The following ZNF668 variants were observed in gnomAD, a reference collection of about 807,000 sequenced individuals.
The protein encoded by ZNF668 is zinc finger protein 668.
In ZNF668, 10 loss-of-function variants were observed where a neutral mutation model predicts 40.3. The ratio of observed to expected loss-of-function variants is 0.25; its 90% CI spans 0.15 to 0.42. The LOEUF (loss-of-function observed/expected upper bound fraction) is 0.42. Ranked by LOEUF, ZNF668 falls within the 10% of genes least tolerant of loss-of-function variation. The probability of loss-of-function intolerance (pLI) is 1.00; values close to 1 mark genes in which losing one functional copy is unlikely to be tolerated. For missense variants in ZNF668, 749 were observed against 904.6 expected (o/e 0.83, Z 2.21); for synonymous variants, 428 against 384.6 (o/e 1.11, Z -1.32).
rs140754297 is a variant in ZNF668, at chr16:31,066,311, A to T, written c.-22-1830T>A. On this transcript the variant is annotated intron_variant, in intron 1 of 2. Coordinates refer to ENST00000300849, the MANE Select transcript of ZNF668 (RefSeq NM_024706.5). The stretch of plus-strand genomic sequence containing the variant: ...CTGGAGCCCCACTTCCACCAGGAGG[A>T]TCCTCAAGCATCTCCCCTTTGGGTT... The T allele has an allele frequency of 9.3e-5, 92 of 985,424 alleles. No homozygotes were observed. In the East Asian group the frequency reaches 9.3e-3, roughly 100 times the overall value. The allele number at this position is 985,424 out of a possible 1,614,324, so 61.0% of individuals were successfully genotyped here. A position where few individuals can be genotyped will look rare whatever the true frequency, so the allele number is the denominator to read the frequency against.
chr16:31,069,144 A>G (rs1036527485), intron 1 of ZNF668: 3 of 152,116 alleles, frequency 2.0e-5, no homozygotes, highest in Non-Finnish European at 2.9e-5. Flanking sequence ...AAAAAGACCA[A>G]TATCTTTTCC....
At chr16:31,069,934 C>A (rs1201770583) in intron 1 of ZNF668, among the ~76,000 whole-genome samples, 1 of 151,794 alleles carries the variant, frequency 6.6e-6, no homozygotes, top group Admixed American at 6.6e-5. Context: ...GCCACCACGC[C>A]CGGCTAATTT....
At position 31,061,294 on chromosome 16, in the gene ZNF668, G is replaced by C; in HGVS notation, c.1634C>G (p.Pro545Arg). ...GAAGCTCTTGCCGCACTGGGTGCAG[G>C]GGAAGGGCCGGAGCTCCGGGTGTGA... Reference protein sequence around the residue: ...ERSHPELRPFPCTQCGKSFSD... With the variant: ...ERSHPELRPFRCTQCGKSFSD... The change falls in exon 3 of 3, where the codon CCC becomes CGC. Residue 545 changes from proline to arginine, a missense_variant. Physicochemically the swap from Pro to Arg is moderately radical, Grantham distance 103. Transcript: ENST00000300849. This position sits in a 1 kb window ranked among gnomAD's most constrained non-coding sequence, Gnocchi z 7.7. 3.2e-6 allele frequency: 5 copies of C among 1,570,738 alleles called. No individual in the cohort carries two copies. Among genetic ancestry groups the C allele is most frequent in the Non-Finnish European group, 4.3e-6 (5 of 1,157,524 alleles).
intron 1 of ZNF668, among the ~76,000 whole-genome samples, chr16:31,066,701 CTCAATCAA>C (rs148240339): frequency 2.7e-5 from 4 of 150,232 alleles, no homozygotes; most frequent in Admixed American, 6.6e-5. Context: ...AAGACACTGT[CTCAATCAA>C]TCAATCAATC....
chr16:31,062,565 C>A (rs2056940605), intron 2 of ZNF668: 1 of 366,448 alleles, frequency 2.7e-6, no homozygotes, highest in Non-Finnish European at 5.0e-6. Context: ...GAGATCGAGA[C>A]CATCCCGGCT....
At chr16:31,072,532 T>G (rs2057022622) in intron 1 of ZNF668, among the ~76,000 whole-genome samples, 1 of 152,208 alleles carries the variant, frequency 6.6e-6, no homozygotes, top group South Asian at 2.1e-4. Flanking sequence ...AAGCAAAGAT[T>G]CAATTTCCAA....
At position 31,060,971 on chromosome 16, in the gene ZNF668, A is replaced by C; in HGVS notation, c.*97T>G. On this transcript the variant is annotated 3_prime_UTR_variant, in exon 3 of 3. Coordinates refer to ENST00000300849, the MANE Select transcript of ZNF668 (RefSeq NM_024706.5). ...GGGAGCTAGTTGCTGAGGGGTAGGG[A>C]TCTGGAGTCTAAAGAGCAGAGCCAG... 1 of 1,341,054 alleles carries C rather than the reference A, an allele frequency of 7.5e-7. No homozygotes were observed. The highest frequency in any genetic ancestry group is 2.7e-5 in the East Asian group (1 of 37,438). 83.1% of individuals were successfully genotyped at this position (1,341,054 alleles called of 1,614,324 possible).
In ZNF668 at chr16:31,061,309, T is replaced by G. The variant is rs1231966010; in HGVS notation, c.1619A>C (p.Glu540Ala). The G allele has an allele frequency of 6.3e-7, 1 of 1,583,020 alleles. No homozygotes were observed. Among genetic ancestry groups the G allele is most frequent in the African/African-American group, 1.3e-5 (1 of 74,480 alleles). ...CTGGGTGCAGGGGAAGGGCCGGAGC[T>G]CCGGGTGTGAGCGCTCGTGCCGACG... ...LLRRHERSHP[E>A]LRPFPCTQCG... Residue 540 changes from glutamate to alanine, a missense_variant, in exon 3 of 3, where the codon GAG (glutamate) becomes GCG (alanine). Physicochemically the swap from Glu to Ala is moderately radical, Grantham distance 107. Transcript: ENST00000300849. The surrounding 1 kb of genome is among the most constrained non-coding windows in gnomAD (Gnocchi z 7.7).
chr16:31,074,212 T>G lies in ZNF668; in HGVS notation c.-576A>C, dbSNP rs1293222847. ...GCCTATTCAATATGCACCGGAACGA[T>G]TCTAGCTGCTCTTGCCGGAAGTGTG... On this transcript the variant is annotated 5_prime_UTR_variant, in exon 1 of 3. Coordinates refer to ENST00000300849, the MANE Select transcript of ZNF668 (RefSeq NM_024706.5). 6.6e-6 allele frequency: 1 copy of G among 152,268 alleles called. No individual in the cohort carries two copies. Among genetic ancestry groups the G allele is most frequent in the Non-Finnish European group, 1.5e-5 (1 of 68,050 alleles). 9.4% of individuals were successfully genotyped at this position (152,268 alleles called of 1,614,324 possible). A position where few individuals can be genotyped will look rare whatever the true frequency, so the allele number is the denominator to read the frequency against.
chr16:31,061,817 G>T lies in ZNF668; in HGVS notation c.1111C>A (p.Arg371=). ...AGGCTGGCACGCTCGGCGAAGGCTC[G>T]CCCGCACTCCTCACAGCGGAAGGGC... is the stretch of plus-strand genomic sequence containing the variant. The part of the protein sequence containing the change: ...QRPFRCEECG[R]AFAERASLTK... The change falls in exon 3 of 3, where the codon CGA becomes AGA. Residue 371 remains arginine, a synonymous_variant. Transcript: ENST00000300849. This position sits in a 1 kb window ranked among gnomAD's most constrained non-coding sequence, Gnocchi z 7.7. The T allele has an allele frequency of 6.2e-7, 1 of 1,612,196 alleles. No individual in the cohort carries two copies. The highest frequency in any genetic ancestry group is 8.5e-7 in the Non-Finnish European group (1 of 1,179,664).
chr16:31,063,947 G>T lies in ZNF668; in HGVS notation c.513C>A (p.Ala171=). The part of the protein sequence containing the change: ...GHTGERPYAC[A]DCGKSFADPS... Reference sequence around the variant, plus strand: ...GGTCAGCAAAGCTCTTGCCGCAGTCGGCGCAGGCGTAAGGCCGCTCGCCTG... The same window carrying T: ...GGTCAGCAAAGCTCTTGCCGCAGTCTGCGCAGGCGTAAGGCCGCTCGCCTG... The change falls in exon 2 of 3, where the codon GCC becomes GCA. Residue 171 remains alanine, a synonymous_variant. Transcript: ENST00000300849. 6.2e-7 allele frequency: 1 copy of T among 1,604,984 alleles called. No individual in the cohort carries two copies. Among genetic ancestry groups the T allele is most frequent in the African/African-American group, 1.3e-5 (1 of 74,840 alleles).
In ZNF668 at chr16:31,060,960, G is replaced by A; in HGVS notation, c.*108C>T. On this transcript the variant is annotated 3_prime_UTR_variant, in exon 3 of 3. Transcript: ENST00000300849. ...CTGGCCGACAGGGGAGCTAGTTGCT[G>A]AGGGGTAGGGATCTGGAGTCTAAAG... The A allele has an allele frequency of 7.7e-7, 1 of 1,297,854 alleles. No individual in the cohort carries two copies. The highest frequency in any genetic ancestry group is 1.0e-6 in the Non-Finnish European group (1 of 998,614). The allele number at this position is 1,297,854 out of a possible 1,614,324, so 80.4% of individuals were successfully genotyped here. A position where few individuals can be genotyped will look rare whatever the true frequency, so the allele number is the denominator to read the frequency against.
intron 1 of ZNF668, among the ~76,000 whole-genome samples, chr16:31,068,239 A>AAAAAAATATAT (rs1473353128): frequency 7.2e-5 from 6 of 82,986 alleles, no homozygotes; most frequent in African/African-American, 1.0e-4. Flanking sequence ...AAAAAAAAAA[A>AAAAAAATATAT]ATATATATAT....
intron 1 of ZNF668, chr16:31,065,980 C>G (rs2056979117): frequency 5.1e-6 from 5 of 978,548 alleles, no homozygotes; most frequent in Non-Finnish European, 6.1e-6. Flanking sequence ...AGGGGAAATA[C>G]AGAGACTCAG....
chr16:31,068,239 A>AAAAAAAAAAAATAT (rs1473353128), intron 1 of ZNF668, among the ~76,000 whole-genome samples: 10 of 82,988 alleles, frequency 1.2e-4, no homozygotes, highest in African/African-American at 4.5e-4. Context: ...AAAAAAAAAA[A>AAAAAAAAAAAATAT]ATATATATAT....
In ZNF668 at chr16:31,062,275, TG is replaced by T; in HGVS notation, c.652del (p.His218ThrfsTer88). 1 of 1,598,910 alleles carries T rather than the reference TG, an allele frequency of 6.3e-7. No homozygotes were observed. On this transcript the variant is annotated frameshift_variant, in exon 3 of 3. Transcript: ENST00000300849. LOFTEE classifies it high-confidence loss of function. ...LKDLRNHERS[H>X]TGERPFLCSE... Reference sequence around the variant, plus strand: ...GCAGAGGAAGGGGCGCTCGCCGGTGTGGGACCTGCGGGGGTGTGGAGGACTT... The same window carrying T: ...GCAGAGGAAGGGGCGCTCGCCGGTGTGGACCTGCGGGGGTGTGGAGGACTT...
chr16:31,065,112 T>C (rs1327075770), intron 1 of ZNF668: 1 of 1,013,392 alleles, frequency 9.9e-7, no homozygotes, highest in Admixed American at 5.1e-5. Context: ...TCTGGAATCT[T>C]GTTGGCCTGT....
rs1596754438 is a variant in ZNF668, at chr16:31,064,862, G to C, written c.-22-381C>G. ...CAGGATAAAGAGTGTACCCAGACGT[G>C]GGCCTGGCCTGAAGGTCTCCAAGCG... On this transcript the variant is annotated intron_variant, in intron 1 of 2. Transcript: ENST00000300849. 3 of 1,430,882 alleles carry C rather than the reference G, an allele frequency of 2.1e-6. No homozygotes were observed. The East Asian group carries it at 7.6e-5, about 36-fold the overall frequency. 88.6% of individuals were successfully genotyped at this position (1,430,882 alleles called of 1,614,324 possible).
chr16:31,069,783 T>G (rs1265670159), intron 1 of ZNF668, among the ~76,000 whole-genome samples: 63 of 141,780 alleles, frequency 4.4e-4, no homozygotes, highest in East Asian at 8.1e-4. Flanking sequence ...TTTTTTTTTT[T>G]TTTTTTTTTG....
Sources: allele counts gnomAD v4.1 joint callset (sites outside exome capture counted in the v4.1 genomes callset), GRCh38; gene constraint gnomAD v4.1.1; non-coding constraint Gnocchi (gnomAD v3.1); transcripts MANE v1.5; gene names NCBI Gene and HGNC (gene_info 2026-07-23, HGNC 2026-07-21).